Variants in SORCS2 observed in about 807,000 individuals in gnomAD.
The protein encoded by SORCS2 is VPS10 domain-containing receptor SorCS2.
Under a neutral mutation model 141.6 loss-of-function variants are expected in SORCS2, and 100 were observed. The ratio of observed to expected loss-of-function variants is 0.71; its 90% CI spans 0.60 to 0.83. The LOEUF (loss-of-function observed/expected upper bound fraction) is 0.83. Among genes scored for constraint, SORCS2 ranks in the 40% least tolerant of loss-of-function variants. The pLI is 0.00. For missense variants in SORCS2, 1,646 were observed against 1,560.2 expected (o/e 1.05, Z -0.93); for synonymous variants, 789 against 676.9 (o/e 1.17, Z -2.57).
chr4:7,706,344 GGGCTCCGTCTGGGC>G, intron 14 of SORCS2, among the ~76,000 whole-genome samples: 3 of 136,216 alleles, frequency 2.2e-5, no homozygotes, highest in Non-Finnish European at 4.9e-5. Flanking sequence ...GGATGAGGCT[GGGCTCCGTCTGGGC>G]AGGGATGAGG....
At chr4:7,487,619 C>T (rs1731070645) in intron 2 of SORCS2, among the ~76,000 whole-genome samples, 1 of 152,210 alleles carries the variant, frequency 6.6e-6, no homozygotes, top group African/African-American at 2.4e-5. Context: ...CACCAGCCTG[C>T]AGGGCAGCTG....
chr4:7,507,801 C>T (rs1041841476), intron 2 of SORCS2, among the ~76,000 whole-genome samples: 5 of 152,046 alleles, frequency 3.3e-5, no homozygotes, highest in African/African-American at 1.2e-4. Flanking sequence ...GGCTGGAACA[C>T]GGGGTTGGGT....
intron 8 of SORCS2, among the ~76,000 whole-genome samples, chr4:7,669,737 C>T (rs1298760490): frequency 2.0e-5 from 3 of 152,222 alleles, no homozygotes; most frequent in South Asian, 2.1e-4. Flanking sequence ...CACCCAATGT[C>T]TTCTCCCCCA....
rs1323830474 is a variant in SORCS2 at position 7,387,997 on chromosome 4, CACACAT to C, written c.481-8290_481-8285del. Among the ~76,000 whole-genome samples, 11 of 151,494 alleles carry C rather than the reference CACACAT, an allele frequency of 7.3e-5. No individual in the cohort carries two copies. The South Asian group carries it at 2.3e-3, about 32-fold the overall frequency. On this transcript the variant is annotated intron_variant, in intron 1 of 26. Transcript: ENST00000507866. ...ACAGAGATACACATGCACACATGCA[CACACAT>C]GCACATGCATACAGATACACAGATA...
chr4:7,405,092 C>A (rs1724885992), intron 2 of SORCS2, among the ~76,000 whole-genome samples: 1 of 152,128 alleles, frequency 6.6e-6, no homozygotes, highest in African/African-American at 2.4e-5. Flanking sequence ...TTTTTCCCAG[C>A]ACCCATTATT....
chr4:7,693,095 C>A (rs1185812354), intron 11 of SORCS2, among the ~76,000 whole-genome samples: 1 of 152,190 alleles, frequency 6.6e-6, no homozygotes, highest in Non-Finnish European at 1.5e-5. Flanking sequence ...CCCGACTGGG[C>A]GTGTTGCAGG....
intron 8 of SORCS2, among the ~76,000 whole-genome samples, chr4:7,667,744 C>T (rs932459584): frequency 5.9e-5 from 9 of 152,332 alleles, no homozygotes; most frequent in Admixed American, 5.2e-4. Context: ...TTTCCCTTGC[C>T]TTAGAAGGCG....
rs371251473 is a variant in SORCS2, at chr4:7,697,074, G to T, written c.1592-124G>T. 1.2e-5 allele frequency: 9 copies of T among 752,348 alleles called. No individual in the cohort carries two copies. The South Asian group carries it at 1.6e-4, about 13-fold the overall frequency. 46.6% of individuals were successfully genotyped at this position (752,348 alleles called of 1,614,324 possible). The stretch of plus-strand genomic sequence containing the variant: ...CCAGCGCAGCAGCCACAGCAGGTCT[G>T]TGGGGGATATGGAGACCCGGGGCAC... On this transcript the variant is annotated intron_variant, in intron 11 of 26. Transcript: ENST00000507866.
At chr4:7,270,138 C>T (rs1170789507) in intron 1 of SORCS2, among the ~76,000 whole-genome samples, 1 of 152,234 alleles carries the variant, frequency 6.6e-6, no homozygotes, top group East Asian at 1.9e-4. Flanking sequence ...GCCTTGGCCT[C>T]CCAAAGTGCT....
At chr4:7,585,366 A>ATT (rs1445854225) in intron 3 of SORCS2, among the ~76,000 whole-genome samples, 2 of 152,112 alleles carry the variant, frequency 1.3e-5, no homozygotes, top group Non-Finnish European at 2.9e-5. Context: ...GTAGGAGTGG[A>ATT]ATGTGGATCA....
chr4:7,473,064 C>T (rs984810913), intron 2 of SORCS2, among the ~76,000 whole-genome samples: 9 of 151,870 alleles, frequency 5.9e-5, no homozygotes, highest in Non-Finnish European at 5.9e-5. Context: ...GGATATCGGC[C>T]GACCTTCCTT....
chr4:7,277,320 T>C (rs545516951), intron 1 of SORCS2, among the ~76,000 whole-genome samples: 225 of 152,282 alleles, frequency 1.5e-3, no homozygotes, highest in African/African-American at 4.8e-3. Context: ...CAAATGGTCA[T>C]CCCTATCCCC....
In SORCS2 at chr4:7,299,770, G is replaced by A. The variant is rs536470810; in HGVS notation, c.481-96518G>A. Among the ~76,000 whole-genome samples the A allele has an allele frequency of 3.9e-5, 6 of 152,300 alleles. No individual in the cohort carries two copies. In the East Asian group the frequency reaches 5.8e-4, roughly 15 times the overall value. The stretch of plus-strand genomic sequence containing the variant: ...TCCTGGGGCCCGCTGCCTGCGGGGC[G>A]TTTCTGCTTCCTGGGACTTCAAGCT... On this transcript the variant is annotated intron_variant, in intron 1 of 26. Transcript: ENST00000507866.
At chr4:7,336,767 G>A (rs1720013834) in intron 1 of SORCS2, among the ~76,000 whole-genome samples, 1 of 152,092 alleles carries the variant, frequency 6.6e-6, no homozygotes, top group Non-Finnish European at 1.5e-5. Flanking sequence ...CGCAATCCCT[G>A]AGCAGCTTGG....
intron 3 of SORCS2, among the ~76,000 whole-genome samples, chr4:7,603,725 T>C (rs1190898763): frequency 1.3e-5 from 2 of 152,276 alleles, no homozygotes; most frequent in African/African-American, 4.8e-5. Context: ...TATTTTGTCA[T>C]TTTTCATAGT....
Position 7,496,782 on chromosome 4 carries a change from G to A in SORCS2, c.549-34748G>A, listed in dbSNP as rs376244011. On this transcript the variant is annotated intron_variant, in intron 2 of 26. Coordinates refer to ENST00000507866, the MANE Select transcript of SORCS2 (RefSeq NM_020777.3). Reference sequence around the variant, plus strand: ...AATCCAAGGCGCCTTCACCAGGCGGGAGATGACAAAACAAAGGACCTTCCC... The same window carrying A: ...AATCCAAGGCGCCTTCACCAGGCGGAAGATGACAAAACAAAGGACCTTCCC... 2.6e-4 allele frequency among the ~76,000 whole-genome samples: 39 copies of A among 152,274 alleles called. 1 individual carries two copies. Among genetic ancestry groups the A allele is most frequent in the Admixed American group, 1.4e-3 (21 of 15,304 alleles).
chr4:7,423,666 C>T (rs1041316313), intron 2 of SORCS2, among the ~76,000 whole-genome samples: 1 of 152,192 alleles, frequency 6.6e-6, no homozygotes, highest in Non-Finnish European at 1.5e-5. Context: ...CCAGGACCAG[C>T]CCTACCCTGG....
At chr4:7,425,150 C>G (rs1402059615) in intron 2 of SORCS2, among the ~76,000 whole-genome samples, 1 of 152,214 alleles carries the variant, frequency 6.6e-6, no homozygotes, top group African/African-American at 2.4e-5. Flanking sequence ...TCCTCCCACA[C>G]CAGAATCCAC....
chr4:7,418,790 G>C (rs1334450130), intron 2 of SORCS2, among the ~76,000 whole-genome samples: 10 of 151,230 alleles, frequency 6.6e-5, no homozygotes, highest in Admixed American at 6.6e-4. Flanking sequence ...GCTGGGCTCA[G>C]CTGGCTGGAT....
Sources: gnomAD v4.1 joint callset for allele counts (sites outside exome capture counted in the v4.1 genomes callset) on GRCh38, gnomAD v4.1.1 for gene constraint, MANE v1.5 for transcripts, NCBI Gene and HGNC (gene_info 2026-07-23, HGNC 2026-07-21) for gene names.